The following MARCHF6 variants were observed in gnomAD, a reference collection of about 807,000 sequenced individuals.
The protein encoded by MARCHF6 is membrane associated ring-CH-type finger 6, also known as E3 ubiquitin-protein ligase MARCHF6.
MARCHF6 carries 31 observed loss-of-function variants against 133.7 expected under a neutral mutation model. That is an observed-to-expected ratio of 0.23 (90% CI 0.17 to 0.31). The LOEUF is 0.31. Among genes scored for constraint, MARCHF6 ranks in the 10% least tolerant of loss-of-function variants. The probability of loss-of-function intolerance (pLI) is 1.00; values close to 1 mark genes in which losing one functional copy is unlikely to be tolerated. For missense variants in MARCHF6, 723 were observed against 1,121.6 expected (o/e 0.64, Z 5.08); for synonymous variants, 395 against 402.5 (o/e 0.98, Z 0.22).
chr5:10,360,512 A>T (rs952313248), intron 1 of MARCHF6, among the ~76,000 whole-genome samples: 1 of 152,106 alleles, frequency 6.6e-6, no homozygotes, highest in Non-Finnish European at 1.5e-5. Flanking sequence ...ATATGGAAGG[A>T]TGTGCATAGG....
intron 1 of MARCHF6, chr5:10,354,752 G>A (rs1735338299): frequency 6.6e-6 from 1 of 152,062 alleles, no homozygotes; most frequent in Non-Finnish European, 1.5e-5. Flanking sequence ...TGCTTTTTTT[G>A]ATGTTCCGGT....
intron 16 of MARCHF6, 40 bp from the exon 17 acceptor site, chr5:10,407,062 T>C: frequency 8.8e-7 from 1 of 1,135,312 alleles, no homozygotes; most frequent in Non-Finnish European, 1.3e-6. Context: ...CAGGAGTGAT[T>C]GACTCTTATA....
intron 17 of MARCHF6, among the ~76,000 whole-genome samples, 187 bp from the exon 18 acceptor site, chr5:10,409,952 T>C (rs1281820170): frequency 6.6e-6 from 1 of 152,144 alleles, no homozygotes; most frequent in Non-Finnish European, 1.5e-5. Flanking sequence ...TGAAAGTCTT[T>C]GGTGACCCTT....
chr5:10,373,865 A>G (rs1736609633), intron 1 of MARCHF6, among the ~76,000 whole-genome samples: 1 of 152,158 alleles, frequency 6.6e-6, no homozygotes, highest in African/African-American at 2.4e-5. Flanking sequence ...ATTGTTGTGA[A>G]TGGCTGGATG....
At chr5:10,390,659 T>A (rs539650483) in intron 6 of MARCHF6, among the ~76,000 whole-genome samples, 159 bp downstream of exon 6, 1 of 152,138 alleles carries the variant, frequency 6.6e-6, no homozygotes, top group Non-Finnish European at 1.5e-5. Context: ...TGAAGAGAGA[T>A]GTGAAAAATC....
chr5:10,363,264 T>C (rs1735932710), intron 1 of MARCHF6, among the ~76,000 whole-genome samples: 1 of 152,220 alleles, frequency 6.6e-6, no homozygotes, highest in Non-Finnish European at 1.5e-5. Context: ...ATACAGAAGA[T>C]GTATCTTATA....
Position 10,439,246 on chromosome 5 carries a change from G to A in MARCHF6, c.*5562G>A, listed in dbSNP as rs966387942. ...GAAAAAATGATGCTGGAATAATTGGGCATCAGATGCAAAATTAAAAACAAA... is the reference window on the plus strand; with the variant it reads ...GAAAAAATGATGCTGGAATAATTGGACATCAGATGCAAAATTAAAAACAAA... On this transcript the variant is annotated 3_prime_UTR_variant, in exon 26 of 26. Transcript: ENST00000274140. The A allele has an allele frequency of 6.6e-6, 1 of 152,146 alleles. No homozygotes were observed. Among genetic ancestry groups the A allele is most frequent in the African/African-American group, 2.4e-5 (1 of 41,418 alleles). 9.4% of individuals were successfully genotyped at this position (152,146 alleles called of 1,614,324 possible). A position where few individuals can be genotyped will look rare whatever the true frequency, so the allele number is the denominator to read the frequency against.
At chr5:10,423,348 A>G (rs940902147) in intron 22 of MARCHF6, among the ~76,000 whole-genome samples, 30 of 152,228 alleles carry the variant, frequency 2.0e-4, no homozygotes, top group African/African-American at 5.8e-4. Context: ...TCTTAGGCCA[A>G]ACTTTGCTCC....
chr5:10,408,708 T>C (rs189153113), intron 17 of MARCHF6, among the ~76,000 whole-genome samples: 103 of 152,134 alleles, frequency 6.8e-4, no homozygotes, highest in Non-Finnish European at 1.1e-3. Context: ...CTGCCTAATT[T>C]TTGTATTTTT....
At chr5:10,373,672 G>A (rs1056950449) in intron 1 of MARCHF6, among the ~76,000 whole-genome samples, 3 of 152,088 alleles carry the variant, frequency 2.0e-5, no homozygotes, top group East Asian at 1.9e-4. Flanking sequence ...AGCGTCCCAC[G>A]GGTGGGACAC....
chr5:10,396,954 A>G (rs1257401573), intron 9 of MARCHF6, among the ~76,000 whole-genome samples: 1 of 152,210 alleles, frequency 6.6e-6, no homozygotes, highest in Non-Finnish European at 1.5e-5. Flanking sequence ...ATTTTTCTCC[A>G]TTTGAAATTT....
intron 12 of MARCHF6, 29 bp from the exon 13 acceptor site, chr5:10,402,355 C>T: frequency 1.9e-6 from 3 of 1,590,484 alleles, no homozygotes; most frequent in South Asian, 1.1e-5. Flanking sequence ...CCTTTAAATA[C>T]TCAGTTTTTC....
chr5:10,396,941 C>T (rs532891455), intron 9 of MARCHF6, among the ~76,000 whole-genome samples: 1 of 152,270 alleles, frequency 6.6e-6, no homozygotes, highest in South Asian at 2.1e-4. Flanking sequence ...ATTTGGCTTT[C>T]AAATTTTTCT....
chr5:10,357,017 C>A (rs991767464), intron 1 of MARCHF6, among the ~76,000 whole-genome samples: 2 of 152,132 alleles, frequency 1.3e-5, no homozygotes, highest in African/African-American at 4.8e-5. Context: ...ATAAATCATT[C>A]TTACTGTGTA....
intron 24 of MARCHF6, 145 bp downstream of exon 24, chr5:10,426,667 C>A: frequency 1.1e-6 from 1 of 901,236 alleles, no homozygotes; most frequent in Non-Finnish European, 1.6e-6. Flanking sequence ...CAAAATACCA[C>A]TTTTCTTAGA....
chr5:10,402,833 A>C (rs1194220082), intron 14 of MARCHF6, among the ~76,000 whole-genome samples: 1 of 152,142 alleles, frequency 6.6e-6, no homozygotes, highest in African/African-American at 2.4e-5. Flanking sequence ...GAATCTTTCT[A>C]ATAGTGGAGG....
intron 20 of MARCHF6, among the ~76,000 whole-genome samples, chr5:10,415,188 A>T (rs1479952380): frequency 6.6e-6 from 1 of 152,212 alleles, no homozygotes; most frequent in Non-Finnish European, 1.5e-5. Flanking sequence ...AAACAATGAA[A>T]ACATTAATTC....
chr5:10,393,573 G>T (rs1414021240), intron 7 of MARCHF6, among the ~76,000 whole-genome samples: 1 of 152,116 alleles, frequency 6.6e-6, no homozygotes, highest in African/African-American at 2.4e-5. Context: ...TAATACAGTA[G>T]CTCCTAACTA....
At chr5:10,398,582 C>T (rs760286669) in intron 10 of MARCHF6, among the ~76,000 whole-genome samples, 14 of 148,490 alleles carry the variant, frequency 9.4e-5, no homozygotes, top group Non-Finnish European at 1.6e-4. Context: ...ATGATCTTGA[C>T]TGCATTTTTT....
Sources: allele counts gnomAD v4.1 joint callset (sites outside exome capture counted in the v4.1 genomes callset), GRCh38; gene constraint gnomAD v4.1.1; transcripts MANE v1.5; gene names NCBI Gene and HGNC (gene_info 2026-07-23, HGNC 2026-07-21).